Variants in GINM1 observed in about 807,000 individuals in gnomAD.
GINM1 encodes glycosylated integral membrane protein 1, also known as glycoprotein integral membrane protein 1.
In GINM1, 29 loss-of-function variants were observed where a neutral mutation model predicts 37.8. That is an observed-to-expected ratio of 0.77 (90% CI 0.57 to 1.05). The LOEUF (loss-of-function observed/expected upper bound fraction) is 1.05. GINM1 is among the 50% of genes least tolerant of loss of function. GINM1 has a pLI of 0.00. For synonymous variants in GINM1, 143 were observed against 146.2 expected, an observed-to-expected ratio of 0.98 and a Z score of 0.16; for missense variants, 377 against 397.9, an observed-to-expected ratio of 0.95 and a Z score of 0.45.
intron 7 of GINM1, among the ~76,000 whole-genome samples, chr6:149,588,899 T>G (rs1778112104): frequency 6.6e-6 from 1 of 151,802 alleles, no homozygotes; most frequent in Non-Finnish European, 1.5e-5. Flanking sequence ...CACCTCCTGG[T>G]TTCAAGCAAT....
intron 2 of GINM1, 73 bp downstream of exon 2, chr6:149,572,417 C>A (rs1038561730): frequency 1.6e-6 from 2 of 1,276,848 alleles, no homozygotes; most frequent in Non-Finnish European, 2.2e-6. Context: ...TTTTAACTTG[C>A]ACGTCTCATT....
rs1432180103 is a variant in GINM1 at position 149,582,469 on chromosome 6, A to G, written c.747A>G (p.Arg249=). The G allele has an allele frequency of 6.8e-6, 11 of 1,607,880 alleles. No individual in the cohort carries two copies. Among genetic ancestry groups the G allele is most frequent in the Non-Finnish European group, 9.3e-6 (11 of 1,178,812 alleles). The change falls in exon 7 of 8, where the codon AGA becomes AGG. Residue 249 remains arginine, a synonymous_variant. Coordinates refer to ENST00000367419, the MANE Select transcript of GINM1 (RefSeq NM_138785.5). ...KVMCQWMEKF[R]KDLCRFWSNV... The stretch of plus-strand genomic sequence containing the variant: ...TGTGTCAGTGGATGGAAAAGTTTAG[A>G]AAAGATCTGTGTAGGTTCTGGAGCA...
intron 7 of GINM1, among the ~76,000 whole-genome samples, chr6:149,588,906 C>G (rs953719762): frequency 4.6e-5 from 7 of 152,084 alleles, no homozygotes; most frequent in Non-Finnish European, 1.0e-4. Context: ...TGGTTTCAAG[C>G]AATTCTCATG....
Position 149,580,587 on chromosome 6 carries a change from G to T in GINM1, c.587-6G>T. On this transcript the variant is annotated splice_polypyrimidine_tract_variant and splice_region_variant and intron_variant, in intron 5 of 7. Transcript: ENST00000367419. ...TTTTGGTAACGTTGCTCTTTCTCCT[G>T]GGTAGAAAGTGTTAGTTCACTGCAA... The T allele has an allele frequency of 6.2e-7, 1 of 1,605,770 alleles. No homozygotes were observed. The highest frequency in any genetic ancestry group is 1.1e-5 in the South Asian group (1 of 89,696).
intron 3 of GINM1, among the ~76,000 whole-genome samples, chr6:149,574,677 T>C (rs1211907763): frequency 6.6e-6 from 1 of 152,078 alleles, no homozygotes; most frequent in Admixed American, 6.6e-5. Context: ...ATCACTTCAG[T>C]CTGGGAGTTC....
At chr6:149,588,583 A>G (rs976287450) in intron 7 of GINM1, among the ~76,000 whole-genome samples, 10 of 152,172 alleles carry the variant, frequency 6.6e-5, no homozygotes, top group African/African-American at 2.4e-4. Context: ...CCTACTAAGT[A>G]GGCCAGACTT....
At chr6:149,580,751 A>G (rs1261797754) in intron 6 of GINM1, 28 bp downstream of exon 6, 2 of 1,603,734 alleles carry the variant, frequency 1.2e-6, no homozygotes, top group Non-Finnish European at 8.5e-7. Context: ...TGTTATCATA[A>G]GCATTCATGG....
chr6:149,573,832 A>G (rs950190334), intron 3 of GINM1, among the ~76,000 whole-genome samples: 3 of 151,924 alleles, frequency 2.0e-5, no homozygotes, highest in Admixed American at 2.0e-4. Flanking sequence ...CTCAAAAAAA[A>G]AAAAATGTGC....
At chr6:149,589,990 A>G (rs1778130683) in intron 7 of GINM1, among the ~76,000 whole-genome samples, 1 of 151,992 alleles carries the variant, frequency 6.6e-6, no homozygotes, top group East Asian at 1.9e-4. Context: ...TTTAGTAGAG[A>G]TGGGGTTTTG....
chr6:149,590,164 T>A (rs1778132612), intron 7 of GINM1, among the ~76,000 whole-genome samples: 1 of 152,188 alleles, frequency 6.6e-6, no homozygotes, highest in Non-Finnish European at 1.5e-5. Context: ...TTCTCCCCAT[T>A]GTTCTTTTAA....
intron 7 of GINM1, among the ~76,000 whole-genome samples, chr6:149,586,148 A>C (rs570570803): frequency 2.3e-4 from 35 of 152,346 alleles, no homozygotes; most frequent in Non-Finnish European, 4.3e-4. Context: ...ATGGTTCTGC[A>C]AGAACCGTGT....
At chr6:149,582,320 T>C (rs1778014517) in intron 6 of GINM1, 120 bp from the exon 7 acceptor site, 1 of 845,910 alleles carries the variant, frequency 1.2e-6, no homozygotes, top group South Asian at 1.6e-5. Flanking sequence ...CCCATGTAAC[T>C]ACCAGCACAA....
Position 149,589,561 on chromosome 6 carries a change from C to G in GINM1, c.882-1166C>G, listed in dbSNP as rs78102652. 3.5e-3 allele frequency among the ~76,000 whole-genome samples: 534 copies of G among 152,326 alleles called. 3 individuals are homozygous for G. Among genetic ancestry groups the G allele is most frequent in the African/African-American group, 0.012 (516 of 41,576 alleles). ...GTGCTGGGATTACAGGCATGAGCCACTGCACCCAGCCAAAATTTATTTTTT... is the reference window on the plus strand; with the variant it reads ...GTGCTGGGATTACAGGCATGAGCCAGTGCACCCAGCCAAAATTTATTTTTT... On this transcript the variant is annotated intron_variant, in intron 7 of 7. Coordinates refer to ENST00000367419, the MANE Select transcript of GINM1 (RefSeq NM_138785.5).
intron 7 of GINM1, among the ~76,000 whole-genome samples, chr6:149,589,960 C>G (rs967308202): frequency 6.6e-6 from 1 of 152,084 alleles, no homozygotes; most frequent in Non-Finnish European, 1.5e-5. Context: ...GTGTCCCATG[C>G]CCAGCTAATT....
chr6:149,571,628 G>T (rs918987577), intron 1 of GINM1, among the ~76,000 whole-genome samples: 3 of 152,036 alleles, frequency 2.0e-5, no homozygotes, highest in African/African-American at 4.8e-5. Context: ...GATTCCTTCT[G>T]GGGGGATAGA....
Position 149,580,635 on chromosome 6 carries a change from G to A in GINM1, c.629G>A (p.Arg210Lys). 1 of 1,613,860 alleles carries A rather than the reference G, an allele frequency of 6.2e-7. No homozygotes were observed. The highest frequency in any genetic ancestry group is 8.5e-7 in the Non-Finnish European group (1 of 1,179,822). Residue 210 changes from arginine to lysine, a missense_variant, in exon 6 of 8, where the codon AGG (arginine) becomes AAG (lysine). Physicochemically the swap from Arg to Lys is conservative, Grantham distance 26. Transcript: ENST00000367419. ...SLQTTSQYLI[R>K]NVETTVDEDV... is the part of the protein sequence containing the mutation. ...CAAACCACTAGCCAGTATCTTATCA[G>A]GAATGTGGAAACCACTGTAGATGAA...
chr6:149,578,886 T>A lies in GINM1; in HGVS notation c.342T>A (p.Ile114=). The change falls in exon 4 of 8, where the codon ATT becomes ATA. Residue 114 remains isoleucine (I), a synonymous_variant. Transcript: ENST00000367419. The part of the protein sequence containing the change: ...KEYFGIVSVR[I]LVHEWPMTSG... ...ATTTTGGAATTGTCAGTGTAAGGAT[T>A]TTAGTTCATGAGTGGCCTATGACAT... 6.2e-7 allele frequency: 1 copy of A among 1,601,906 alleles called. No individual in the cohort carries two copies. Among genetic ancestry groups the A allele is most frequent in the Non-Finnish European group, 8.5e-7 (1 of 1,169,710 alleles).
At chr6:149,584,299 T>G (rs1262410533) in intron 7 of GINM1, 1 of 152,234 alleles carries the variant, frequency 6.6e-6, no homozygotes, top group Non-Finnish European at 1.5e-5. Context: ...TCATTTTAAT[T>G]ATCTTAACAG....
intron 3 of GINM1, among the ~76,000 whole-genome samples, chr6:149,577,008 A>T (rs773171469): frequency 3.9e-5 from 6 of 152,180 alleles, no homozygotes; most frequent in Non-Finnish European, 8.8e-5. Context: ...AGTATCTCAC[A>T]TGGCAGAGCA....
Sources: allele counts gnomAD v4.1 joint callset (sites outside exome capture counted in the v4.1 genomes callset), GRCh38; gene constraint gnomAD v4.1.1; transcripts MANE v1.5; gene names NCBI Gene and HGNC (gene_info 2026-07-23, HGNC 2026-07-21).